The following OR7E24 variants were observed in gnomAD, a reference collection of about 807,000 sequenced individuals.
OR7E24 encodes the protein olfactory receptor family 7 subfamily E member 24.
For synonymous variants in OR7E24, 130 were observed against 157.5 expected (o/e 0.83, Z 1.31); for missense variants, 385 against 410.3 (o/e 0.94, Z 0.53).
chr19:9,213,717 G>A, the OR7E24 span: 86 of 588,884 alleles, frequency 1.5e-4, no homozygotes, highest in African/African-American at 1.0e-3. Context: ...TAGCCTGGGC[G>A]ACAGAGCCAG....
chr19:9,239,174 C>CTT, the OR7E24 span, among the ~76,000 whole-genome samples: 1 of 146,132 alleles, frequency 6.8e-6, no homozygotes, highest in Non-Finnish European at 1.5e-5. Context: ...TACAATTCAA[C>CTT]TTTTTTTTTT....
chr19:9,214,520 C>T, the OR7E24 span: 1 of 1,614,104 alleles, frequency 6.2e-7, no homozygotes, highest in African/African-American at 1.3e-5. Flanking sequence ...TTCCAGCAAA[C>T]ATCATTAAAA....
At chr19:9,212,688 C>G in the OR7E24 span, 4 of 152,100 alleles carry the variant, frequency 2.6e-5, no homozygotes, top group Non-Finnish European at 5.9e-5. Flanking sequence ...ACCATTTGAC[C>G]CAACCAGCTT....
At chr19:9,247,536 T>C, upstream of OR7E24, 1 of 398,638 alleles carries the variant, frequency 2.5e-6, no homozygotes, top group Non-Finnish European at 4.4e-6. Flanking sequence ...TGAGGGACGG[T>C]TGGGAGCCTT....
the OR7E24 span, among the ~76,000 whole-genome samples, chr19:9,220,550 G>A: frequency 9.9e-5 from 15 of 152,122 alleles, no homozygotes; most frequent in African/African-American, 3.6e-4. Context: ...ATTTCCTTGT[G>A]TTTTATGGAT....
chr19:9,250,918 C>T (rs1441410131), upstream of OR7E24: 2 of 684,978 alleles, frequency 2.9e-6, no homozygotes, highest in African/African-American at 3.6e-5. Context: ...TATGAAGTAA[C>T]TCTAAGGAAA....
Position 9,252,339 on chromosome 19 carries a change from C to A in OR7E24, c.*276C>A, listed in dbSNP as rs2066152518. ...CAATCTTTTCTGATAGACTTGAAAT[C>A]CTCACTTAACTTTGTCAAGAGGTTT... is the stretch of plus-strand genomic sequence containing the variant. On this transcript the variant is annotated 3_prime_UTR_variant, in exon 1 of 1. Coordinates refer to ENST00000456448, the MANE Select transcript of OR7E24 (RefSeq NM_001079935.2). 1 of 227,276 alleles carries A rather than the reference C, an allele frequency of 4.4e-6. No homozygotes were observed. Among genetic ancestry groups the A allele is most frequent in the Non-Finnish European group, 8.6e-6 (1 of 116,644 alleles). The allele number at this position is 227,276 out of a possible 1,614,324, so 14.1% of individuals were successfully genotyped here.
At chr19:9,225,224 G>A in the OR7E24 span, among the ~76,000 whole-genome samples, 1 of 151,922 alleles carries the variant, frequency 6.6e-6, no homozygotes, top group African/African-American at 2.4e-5. Context: ...AAAAAAATTA[G>A]CCAGATGTGA....
the OR7E24 span, chr19:9,211,828 GCTT>G: frequency 6.7e-6 from 1 of 148,920 alleles, no homozygotes; most frequent in Non-Finnish European, 1.5e-5. Flanking sequence ...TGGAAGGCCT[GCTT>G]CTTCTTTATT....
the OR7E24 span, among the ~76,000 whole-genome samples, chr19:9,223,734 CTTT>C: frequency 1.5e-4 from 21 of 135,606 alleles, no homozygotes; most frequent in African/African-American, 3.2e-4. Flanking sequence ...TTTTTCTCTT[CTTT>C]TTTTTTTTTT....
chr19:9,236,115 T>A, the OR7E24 span: 9 of 1,147,172 alleles, frequency 7.8e-6, no homozygotes, highest in Non-Finnish European at 1.2e-5. Flanking sequence ...GAGGATGCTA[T>A]GGGTCCCTTA....
At chr19:9,235,478 C>T in the OR7E24 span, 2 of 1,597,072 alleles carry the variant, frequency 1.3e-6, no homozygotes, top group Non-Finnish European at 1.7e-6. Context: ...GGAATGGATA[C>T]TTTCCTACTG....
At chr19:9,233,122 C>G in the OR7E24 span, among the ~76,000 whole-genome samples, 1 of 152,150 alleles carries the variant, frequency 6.6e-6, no homozygotes, top group Non-Finnish European at 1.5e-5. Context: ...CTTGCTTCCC[C>G]TTTTGAATCA....
chr19:9,228,659 C>T, the OR7E24 span, among the ~76,000 whole-genome samples: 1 of 152,216 alleles, frequency 6.6e-6, no homozygotes, highest in South Asian at 2.1e-4. Context: ...GTTCAGTCCT[C>T]ATTTTGTTGG....
At chr19:9,232,335 A>C in the OR7E24 span, among the ~76,000 whole-genome samples, 3 of 151,920 alleles carry the variant, frequency 2.0e-5, no homozygotes, top group Non-Finnish European at 4.4e-5. Context: ...GTCAGGAGAT[A>C]GAGACCATCC....
chr19:9,214,941 A>C, the OR7E24 span: 1 of 658,902 alleles, frequency 1.5e-6, no homozygotes, highest in Non-Finnish European at 2.6e-6. Context: ...TTTGATGGAC[A>C]TTTGTCACCC....
At chr19:9,233,836 C>T in the OR7E24 span, among the ~76,000 whole-genome samples, 2 of 151,998 alleles carry the variant, frequency 1.3e-5, no homozygotes, top group African/African-American at 4.8e-5. Context: ...TTCAATCCGT[C>T]CATGCAGAAA....
At position 9,251,594 on chromosome 19, in the gene OR7E24, T is replaced by C. The variant is rs764339544; in HGVS notation, c.551T>C (p.Leu184Pro). Residue 184 changes from leucine to proline, a missense_variant, in exon 1 of 1, where the codon CTC becomes CCC. Coordinates refer to ENST00000456448, the MANE Select transcript of OR7E24 (RefSeq NM_001079935.2). ...SQLHNLIMLQLTCFKDVDISN... is the reference protein window; with the variant it reads ...SQLHNLIMLQPTCFKDVDISN... ...TTGCACAATTTGATTATGTTACAGCTCACCTGCTTCAAGGATGTGGACATT... is the reference window on the plus strand; with the variant it reads ...TTGCACAATTTGATTATGTTACAGCCCACCTGCTTCAAGGATGTGGACATT... 10 of 1,613,582 alleles carry C rather than the reference T, an allele frequency of 6.2e-6. No individual in the cohort carries two copies. Among genetic ancestry groups the C allele is most frequent in the Non-Finnish European group, 8.5e-6 (10 of 1,179,800 alleles).
chr19:9,240,466 AT>A, the OR7E24 span, among the ~76,000 whole-genome samples: 97 of 152,290 alleles, frequency 6.4e-4, no homozygotes, highest in Admixed American at 1.2e-3. Context: ...TCCCAGCACC[AT>A]TTATGGAAGA....
Sources: allele counts gnomAD v4.1 joint callset (sites outside exome capture counted in the v4.1 genomes callset), GRCh38; gene constraint gnomAD v4.1.1; transcripts MANE v1.5; gene names NCBI Gene and HGNC (gene_info 2026-07-23, HGNC 2026-07-21).